Variants in ADCK1 observed in about 807,000 individuals in gnomAD.
The protein encoded by ADCK1 is aarF domain-containing protein kinase 1.
A neutral mutation model predicts 52.3 loss-of-function variants in ADCK1; 41 were observed. The observed-to-expected ratio is 0.78, with a 90% CI of 0.61 to 1.02. ADCK1 has a LOEUF of 1.02. ADCK1 is among the 50% of genes least tolerant of loss of function. ADCK1 has a pLI of 0.00. For missense variants in ADCK1, 658 were observed against 679.5 expected, an observed-to-expected ratio of 0.97 and a Z score of 0.35; for synonymous variants, 250 against 274.6, an observed-to-expected ratio of 0.91 and a Z score of 0.89.
chr14:77,819,299 A>T (rs2081532105), intron 2 of ADCK1, among the ~76,000 whole-genome samples, 186 bp downstream of exon 2: 1 of 152,182 alleles, frequency 6.6e-6, no homozygotes, highest in Admixed American at 6.5e-5. Context: ...TTTATTCCTG[A>T]ACACACAACC....
intron 4 of ADCK1, among the ~76,000 whole-genome samples, chr14:77,860,383 G>C (rs1311588134): frequency 6.6e-6 from 1 of 152,246 alleles, no homozygotes; most frequent in East Asian, 1.9e-4. Flanking sequence ...GGCCAGGAGA[G>C]TAGGGCAGAG....
At chr14:77,894,227 T>C (rs981239039) in intron 5 of ADCK1, among the ~76,000 whole-genome samples, 5 of 152,202 alleles carry the variant, frequency 3.3e-5, no homozygotes, top group African/African-American at 1.2e-4. Context: ...TAATAACTTA[T>C]CAGAACAAAG....
At chr14:77,866,521 G>A (rs1025694549) in intron 4 of ADCK1, among the ~76,000 whole-genome samples, 4 of 152,196 alleles carry the variant, frequency 2.6e-5, no homozygotes, top group Admixed American at 1.3e-4. Context: ...AGCTCAGCTG[G>A]TTAGGGTTAA....
intron 3 of ADCK1, among the ~76,000 whole-genome samples, chr14:77,845,808 C>T (rs933564268): frequency 3.9e-5 from 6 of 152,194 alleles, no homozygotes; most frequent in African/African-American, 1.4e-4. Context: ...ACTCCCTCTG[C>T]AGTATCCCTC....
chr14:77,906,859 G>A (rs1291579803), intron 6 of ADCK1, among the ~76,000 whole-genome samples: 1 of 152,040 alleles, frequency 6.6e-6, no homozygotes, highest in African/African-American at 2.4e-5. Context: ...TTGTTCATAA[G>A]TCAGAACTAT....
chr14:77,880,126 A>G (rs999381304), intron 4 of ADCK1, among the ~76,000 whole-genome samples: 6 of 152,188 alleles, frequency 3.9e-5, no homozygotes, highest in African/African-American at 1.4e-4. Context: ...GCACACAGCC[A>G]TCCTGGAGTA....
chr14:77,806,029 T>C (rs767205410), intron 1 of ADCK1, among the ~76,000 whole-genome samples: 25 of 144,700 alleles, frequency 1.7e-4, no homozygotes, highest in Non-Finnish European at 3.6e-4. Flanking sequence ...GAGGTCTTGT[T>C]GCTGGGTGCG....
chr14:77,875,149 C>T (rs760132989), intron 4 of ADCK1, among the ~76,000 whole-genome samples: 11 of 152,068 alleles, frequency 7.2e-5, no homozygotes, highest in Middle Eastern at 3.4e-3. Context: ...CAAAATGGGG[C>T]GGTGGCTTGG....
chr14:77,902,015 G>C (rs2083558982), intron 6 of ADCK1, among the ~76,000 whole-genome samples: 1 of 152,164 alleles, frequency 6.6e-6, no homozygotes. Flanking sequence ...TGCTGTTCTT[G>C]GGGAGGATGG....
intron 9 of ADCK1, among the ~76,000 whole-genome samples, chr14:77,929,490 C>A (rs557800602): frequency 6.6e-6 from 1 of 152,346 alleles, no homozygotes; most frequent in African/African-American, 2.4e-5. Flanking sequence ...CTCCCTCCAA[C>A]AGCTTCCTCT....
chr14:77,903,895 T>C (rs2083602311), intron 6 of ADCK1, among the ~76,000 whole-genome samples: 1 of 152,166 alleles, frequency 6.6e-6, no homozygotes, highest in South Asian at 2.1e-4. Context: ...CAGAGTGATT[T>C]ATATTCTTTA....
intron 1 of ADCK1, among the ~76,000 whole-genome samples, chr14:77,818,367 C>T (rs2081508494): frequency 6.6e-6 from 1 of 152,100 alleles, no homozygotes; most frequent in Non-Finnish European, 1.5e-5. Context: ...CTGCAGTCTC[C>T]TCCTCCCGGG....
intron 1 of ADCK1, among the ~76,000 whole-genome samples, chr14:77,809,855 T>C (rs1170403176): frequency 6.6e-6 from 1 of 150,952 alleles, no homozygotes; most frequent in East Asian, 2.0e-4. Context: ...ACCAACATGG[T>C]GAAACCTCTT....
At chr14:77,833,501 T>C (rs1393182284) in intron 3 of ADCK1, among the ~76,000 whole-genome samples, 5 of 152,204 alleles carry the variant, frequency 3.3e-5, no homozygotes, top group Non-Finnish European at 7.3e-5. Context: ...TAATTCTCTC[T>C]GGTTGGGTCA....
intron 1 of ADCK1, among the ~76,000 whole-genome samples, chr14:77,812,837 G>T (rs1297617448): frequency 1.3e-5 from 2 of 151,854 alleles, no homozygotes; most frequent in African/African-American, 2.4e-5. Context: ...TGATCTGCCC[G>T]CCTCGGCCTC....
At chr14:77,806,175 C>T (rs1175361189) in intron 1 of ADCK1, among the ~76,000 whole-genome samples, 1 of 151,700 alleles carries the variant, frequency 6.6e-6, no homozygotes, top group African/African-American at 2.4e-5. Flanking sequence ...GTCTTCCCAC[C>T]TCAGCCTCCC....
chr14:77,854,406 G>A (rs545922373), intron 3 of ADCK1, among the ~76,000 whole-genome samples: 84 of 152,300 alleles, frequency 5.5e-4, no homozygotes, highest in African/African-American at 1.9e-3. Flanking sequence ...ATCCCCAAGG[G>A]AGTATAGTTA....
chr14:77,872,600 G>A (rs1465890955), intron 4 of ADCK1, among the ~76,000 whole-genome samples: 1 of 151,964 alleles, frequency 6.6e-6, no homozygotes, highest in Non-Finnish European at 1.5e-5. Context: ...GAGTGGGGGT[G>A]CCCTCTTGCT....
intron 5 of ADCK1, among the ~76,000 whole-genome samples, chr14:77,895,398 T>C (rs764406766): frequency 6.6e-5 from 10 of 152,236 alleles, no homozygotes; most frequent in Non-Finnish European, 1.3e-4. Flanking sequence ...GAAATATTCA[T>C]TTGTTCATTC....
Sources: gnomAD v4.1 joint callset for allele counts (sites outside exome capture counted in the v4.1 genomes callset) on GRCh38, gnomAD v4.1.1 for gene constraint, MANE v1.5 for transcripts, NCBI Gene and HGNC (gene_info 2026-07-23, HGNC 2026-07-21) for gene names.